The following PSMC4 variants were observed in gnomAD, a reference collection of about 807,000 sequenced individuals.
PSMC4 encodes 26S proteasome regulatory subunit 6B.
A neutral mutation model predicts 48.4 loss-of-function variants in PSMC4; 13 were observed. That is an observed-to-expected ratio of 0.27 (90% confidence interval 0.18 to 0.43). PSMC4 has a LOEUF of 0.43. Ranked by LOEUF, PSMC4 falls within the 20% of genes least tolerant of loss-of-function variation. The pLI is 1.00. For missense variants in PSMC4, 262 were observed against 555.9 expected (o/e 0.47, Z 5.32); for synonymous variants, 202 against 212.3 (o/e 0.95, Z 0.42).
chr19:39,971,831 T>C (rs1050254056), intron 1 of PSMC4, among the ~76,000 whole-genome samples: 5 of 151,970 alleles, frequency 3.3e-5, no homozygotes, highest in Non-Finnish European at 5.9e-5. Context: ...TTGAAGGGGA[T>C]TGGGTGGCAT....
In PSMC4 at chr19:39,974,307, T is replaced by A; in HGVS notation, c.336T>A (p.Tyr112Ter). ...IVGSTTGSNYYVRILSTIDRE... is the reference protein window; with the variant it reads ...IVGSTTGSNY ...CCCTTCTCGCAGGCTCCAACTATTA[T>A]GTGCGCATCCTGAGCACCATCGATC... Residue 112 changes from tyrosine to a stop codon, truncating the protein, a stop_gained, in exon 4 of 11, where the codon TAT becomes TAA. Transcript: ENST00000157812. LOFTEE classifies it high-confidence loss of function. This position sits in a 1 kb window ranked among gnomAD's most constrained non-coding sequence, Gnocchi z 5.5. The A allele has an allele frequency of 6.2e-7, 1 of 1,614,166 alleles. No homozygotes were observed. Among genetic ancestry groups the A allele is most frequent in the Non-Finnish European group, 8.5e-7 (1 of 1,180,026 alleles).
At chr19:39,973,015 G>T (rs1314652348) in intron 3 of PSMC4, among the ~76,000 whole-genome samples, 1 of 152,006 alleles carries the variant, frequency 6.6e-6, no homozygotes, top group Non-Finnish European at 1.5e-5. Flanking sequence ...GAAAGTGTTG[G>T]GATTACAGGC....
chr19:39,973,319 C>A (rs751865048), intron 3 of PSMC4, among the ~76,000 whole-genome samples: 1 of 152,006 alleles, frequency 6.6e-6, no homozygotes, highest in Non-Finnish European at 1.5e-5. Context: ...CATGGTGCCT[C>A]ACACGTATAA....
chr19:39,971,752 T>C (rs1971105582), intron 1 of PSMC4, among the ~76,000 whole-genome samples: 1 of 152,066 alleles, frequency 6.6e-6, no homozygotes, highest in African/African-American at 2.4e-5. Context: ...CTGGGGAATG[T>C]TGGGACTCGT....
rs375386605 is a variant in PSMC4 at position 39,980,276 on chromosome 19, C to G, written c.919-10C>G. The G allele has an allele frequency of 6.1e-5, 99 of 1,613,650 alleles. No individual in the cohort carries two copies. The highest frequency in any genetic ancestry group is 8.3e-5 in the Admixed American group (5 of 59,974). ...GCAGAGATCTGAGCTGGCCTGCCCC[C>G]CAATGTCAGGTAATCATGGCCACAA... is the stretch of plus-strand genomic sequence containing the variant. On this transcript the variant is annotated splice_polypyrimidine_tract_variant and intron_variant, in intron 8 of 10. Coordinates refer to ENST00000157812, the MANE Select transcript of PSMC4 (RefSeq NM_006503.4). The surrounding 1 kb of genome is among the most constrained non-coding windows in gnomAD (Gnocchi z 4.8).
chr19:39,975,829 G>T (rs1971188347), intron 6 of PSMC4, among the ~76,000 whole-genome samples: 1 of 152,124 alleles, frequency 6.6e-6, no homozygotes, highest in Non-Finnish European at 1.5e-5. Flanking sequence ...CCTTGTGCTG[G>T]AATGCAAAGA....
Position 39,972,236 on chromosome 19 carries a change from C to T in PSMC4, c.127C>T (p.Arg43Cys), listed in dbSNP as rs267605481. 3.7e-6 allele frequency: 6 copies of T among 1,613,866 alleles called. No homozygotes were observed. Among genetic ancestry groups the T allele is most frequent in the South Asian group, 3.3e-5 (3 of 91,076 alleles). ...EPEDLEDLYS[R>C]YKKLQQELEF... ...TGAGGACCTGGAGGACCTGTACAGC[C>T]GCTACAAGGTACATTCGACCCCCAA... is the stretch of plus-strand genomic sequence containing the variant. The change falls in exon 2 of 11, where the codon CGC (arginine) becomes TGC (cysteine). Residue 43 changes from arginine (R) to cysteine (C), a missense_variant. Physicochemically the swap from Arg to Cys is radical, Grantham distance 180. This residue lies in a region of PSMC4 where 131 missense variants were observed against 276.7 expected (regional missense o/e 0.47). Coordinates refer to ENST00000157812, the MANE Select transcript of PSMC4 (RefSeq NM_006503.4).
chr19:39,972,037 G>A, intron 1 of PSMC4, 109 bp from the exon 2 acceptor site: 1 of 1,039,294 alleles, frequency 9.6e-7, no homozygotes, highest in Non-Finnish European at 1.5e-6. Flanking sequence ...TCTGTTAGGG[G>A]CTAAGTGACA....
chr19:39,972,288 C>G lies in PSMC4; in HGVS notation c.135+44C>G, dbSNP rs1439878168. The G allele has an allele frequency of 5.0e-6, 8 of 1,610,210 alleles. No individual in the cohort carries two copies. The African/African-American group carries it at 1.1e-4, about 22-fold the overall frequency. The stretch of plus-strand genomic sequence containing the variant: ...CCAGACCTTGCACAGGACCTGACAT[C>G]TCATACTCTTCCCCACTTTCCACCA... On this transcript the variant is annotated intron_variant, in intron 2 of 10. Transcript: ENST00000157812.
intron 6 of PSMC4, chr19:39,979,586 T>G: frequency 2.7e-6 from 1 of 370,118 alleles, no homozygotes; most frequent in Admixed American, 4.6e-5. Context: ...AGTGACACAT[T>G]TGTAAGGATG....
chr19:39,980,727 G>A lies in PSMC4; in HGVS notation c.1143+10G>A. The A allele has an allele frequency of 6.2e-7, 1 of 1,613,590 alleles. No homozygotes were observed. The highest frequency in any genetic ancestry group is 2.2e-5 in the East Asian group (1 of 44,878). On this transcript the variant is annotated intron_variant, in intron 10 of 10. Coordinates refer to ENST00000157812, the MANE Select transcript of PSMC4 (RefSeq NM_006503.4). The surrounding 1 kb of genome is among the most constrained non-coding windows in gnomAD (Gnocchi z 4.8). ...CTCCATCTGTCAGGAGGTAAGTGGTGGTTTCTCTCTGGATCCAGGCAGCGG... is the reference window on the plus strand; with the variant it reads ...CTCCATCTGTCAGGAGGTAAGTGGTAGTTTCTCTCTGGATCCAGGCAGCGG...
In PSMC4 at chr19:39,974,507, C is replaced by T; in HGVS notation, c.470-17C>T. 6.2e-7 allele frequency: 1 copy of T among 1,613,688 alleles called. No individual in the cohort carries two copies. The highest frequency in any genetic ancestry group is 8.5e-7 in the Non-Finnish European group (1 of 1,179,680). ...TTGAGGACCTGGCCAGGAGCCCCAG[C>T]TCTGCTCTCCCACCAGACCAGAAGC... On this transcript the variant is annotated splice_polypyrimidine_tract_variant and intron_variant, in intron 4 of 10. Coordinates refer to ENST00000157812, the MANE Select transcript of PSMC4 (RefSeq NM_006503.4). The surrounding 1 kb of genome is among the most constrained non-coding windows in gnomAD (Gnocchi z 5.5).
In PSMC4 at chr19:39,972,575, T is replaced by C. The variant is rs200580665; in HGVS notation, c.322+20T>C. The C allele has an allele frequency of 3.0e-4, 471 of 1,592,712 alleles. 2 individuals are homozygous for C. The highest frequency in any genetic ancestry group is 1.1e-4 in the Non-Finnish European group (130 of 1,165,926). On this transcript the variant is annotated intron_variant, in intron 3 of 10. Transcript: ENST00000157812. The stretch of plus-strand genomic sequence containing the variant: ...CCACAGGTGTGCTAAGGACACCTCA[T>C]TCATTCATCTGTCCACTTAACAACT...
chr19:39,974,909 A>G lies in PSMC4; in HGVS notation c.673+81A>G. On this transcript the variant is annotated intron_variant, in intron 6 of 10. Coordinates refer to ENST00000157812, the MANE Select transcript of PSMC4 (RefSeq NM_006503.4). This position sits in a 1 kb window ranked among gnomAD's most constrained non-coding sequence, Gnocchi z 5.5. ...CCCTGCTCGCTCACTGGCACTGCAC[A>G]GTAATTAGAAACAGACTCTGGGGTC... is the stretch of plus-strand genomic sequence containing the variant. 1.5e-6 allele frequency: 2 copies of G among 1,339,260 alleles called. No individual in the cohort carries two copies. Among genetic ancestry groups the G allele is most frequent in the Non-Finnish European group, 1.0e-6 (1 of 958,624 alleles). The allele number at this position is 1,339,260 out of a possible 1,614,324, so 83.0% of individuals were successfully genotyped here.
Position 39,980,517 on chromosome 19 carries a change from A to G in PSMC4, c.1087+63A>G. 1 of 1,600,386 alleles carries G rather than the reference A, an allele frequency of 6.2e-7. No individual in the cohort carries two copies. The highest frequency in any genetic ancestry group is 8.6e-7 in the Non-Finnish European group (1 of 1,168,876). On this transcript the variant is annotated intron_variant, in intron 9 of 10. Transcript: ENST00000157812. The surrounding 1 kb of genome is among the most constrained non-coding windows in gnomAD (Gnocchi z 4.8). Reference sequence around the variant, plus strand: ...GGAACGGGGATTAGATCTTCAGCTCAACTTCTGCCAGCACCACAGCCCAGA... The same window carrying G: ...GGAACGGGGATTAGATCTTCAGCTCGACTTCTGCCAGCACCACAGCCCAGA...
Position 39,977,796 on chromosome 19 carries a change from C to T in PSMC4, c.674-2021C>T, listed in dbSNP as rs140049765. 3.7e-3 allele frequency among the ~76,000 whole-genome samples: 564 copies of T among 151,674 alleles called. 4 individuals are homozygous for T. Among genetic ancestry groups the T allele is most frequent in the African/African-American group, 0.013 (541 of 41,376 alleles). On this transcript the variant is annotated intron_variant, in intron 6 of 10. Transcript: ENST00000157812. ...AAGATCGCACCATTGCACTCCAGCC[C>T]GGCCAATAGTGCGAGATTCTGTTTC...
chr19:39,971,421 G>A (rs1971098847), intron 1 of PSMC4, among the ~76,000 whole-genome samples, 183 bp downstream of exon 1: 1 of 152,156 alleles, frequency 6.6e-6, no homozygotes, highest in Non-Finnish European at 1.5e-5. Context: ...GATGGTAGGA[G>A]GTAAGGCTCA....
chr19:39,976,658 G>A (rs1009953492), intron 6 of PSMC4, among the ~76,000 whole-genome samples: 50 of 150,336 alleles, frequency 3.3e-4, no homozygotes, highest in African/African-American at 1.0e-3. Context: ...ACAGGCACCC[G>A]CCACCACGCC....
In PSMC4 at chr19:39,979,658, G is replaced by A. The variant is rs1971258865; in HGVS notation, c.674-159G>A. On this transcript the variant is annotated intron_variant, in intron 6 of 10. Transcript: ENST00000157812. ...AAGTAGATGGCTATTCCTCAGGGCT[G>A]GATGTGGGGCTCACCCTTGGGCATG... 3 of 593,932 alleles carry A rather than the reference G, an allele frequency of 5.1e-6. No homozygotes were observed. The East Asian group carries it at 9.6e-5, about 19-fold the overall frequency. 36.8% of individuals were successfully genotyped at this position (593,932 alleles called of 1,614,324 possible).
Sources: gnomAD v4.1 joint callset for allele counts (sites outside exome capture counted in the v4.1 genomes callset) on GRCh38, gnomAD v4.1.1 for gene constraint, gnomAD v4.1.1 regional missense constraint, Gnocchi (gnomAD v3.1) non-coding constraint, MANE v1.5 for transcripts, NCBI Gene and HGNC (gene_info 2026-07-23, HGNC 2026-07-21) for gene names.